Variants in PAG1 observed in about 807,000 individuals in gnomAD.
PAG1 encodes the protein phosphoprotein associated with glycosphingolipid-enriched microdomains 1.
In PAG1, 23 loss-of-function variants were observed where a neutral mutation model predicts 31.7. That is an observed-to-expected ratio of 0.73 (90% CI 0.52 to 1.03). PAG1 has a LOEUF of 1.03. Among genes scored for constraint, PAG1 ranks in the 50% least tolerant of loss-of-function variants. The pLI is 0.00. For missense variants in PAG1, 473 were observed against 540.7 expected, an observed-to-expected ratio of 0.87 and a Z score of 1.24; for synonymous variants, 214 against 210.3, an observed-to-expected ratio of 1.02 and a Z score of -0.15.
In PAG1 at chr8:80,972,701, G is replaced by T. The variant is rs940542497; in HGVS notation, c.*3843C>A. On this transcript the variant is annotated 3_prime_UTR_variant, in exon 9 of 9. Coordinates refer to ENST00000220597, the MANE Select transcript of PAG1 (RefSeq NM_018440.4). ...AAATACCACTGTTTTTCAGCCAAGAGAATTACGGATGCAATTTAAAGTCTA... is the reference window on the plus strand; with the variant it reads ...AAATACCACTGTTTTTCAGCCAAGATAATTACGGATGCAATTTAAAGTCTA... The T allele has an allele frequency of 1.3e-5, 2 of 152,126 alleles. No individual in the cohort carries two copies. Among genetic ancestry groups the T allele is most frequent in the African/African-American group, 4.8e-5 (2 of 41,414 alleles). The allele number at this position is 152,126 out of a possible 1,614,324, so 9.4% of individuals were successfully genotyped here.
chr8:81,051,852 C>T (rs555832645), intron 2 of PAG1, among the ~76,000 whole-genome samples: 4 of 152,210 alleles, frequency 2.6e-5, no homozygotes, highest in East Asian at 3.9e-4. Flanking sequence ...AACTATTGGC[C>T]GGGCGCGGTG....
At chr8:81,093,878 C>T (rs776802588) in intron 1 of PAG1, among the ~76,000 whole-genome samples, 10 of 152,200 alleles carry the variant, frequency 6.6e-5, no homozygotes, top group African/African-American at 1.2e-4. Flanking sequence ...GTAAACCAAA[C>T]GGCCTGCCTT....
Position 81,015,366 on chromosome 8 carries a change from G to A in PAG1, c.-81+14630C>T, listed in dbSNP as rs776466097. On this transcript the variant is annotated intron_variant, in intron 3 of 8. Coordinates refer to ENST00000220597, the MANE Select transcript of PAG1 (RefSeq NM_018440.4). ...GGGAACTGAAACATTGTACTTGACC[G>A]TCTCTGGTTCTTTTCCTGAGTTGAC... Among the ~76,000 whole-genome samples the A allele has an allele frequency of 1.4e-4, 21 of 152,160 alleles. 1 individual carries two copies. The highest frequency in any genetic ancestry group is 1.0e-3 in the Admixed American group (16 of 15,278).
At chr8:81,072,079 C>T (rs1193321465) in intron 1 of PAG1, among the ~76,000 whole-genome samples, 1 of 152,186 alleles carries the variant, frequency 6.6e-6, no homozygotes, top group African/African-American at 2.4e-5. Context: ...CACTCACCAG[C>T]GTAGGTGAAG....
chr8:81,000,791 G>A (rs1807771452), intron 3 of PAG1, among the ~76,000 whole-genome samples: 2 of 152,148 alleles, frequency 1.3e-5, no homozygotes, highest in Non-Finnish European at 2.9e-5. Flanking sequence ...TGGCTTCTCT[G>A]TATTGTCACT....
At chr8:81,080,898 G>C (rs1467110791) in intron 1 of PAG1, among the ~76,000 whole-genome samples, 2 of 152,080 alleles carry the variant, frequency 1.3e-5, no homozygotes, top group Non-Finnish European at 2.9e-5. Context: ...CTGTGACCTA[G>C]GAAAAGTGCT....
At chr8:81,040,261 T>C (rs942987711) in intron 2 of PAG1, among the ~76,000 whole-genome samples, 1 of 152,186 alleles carries the variant, frequency 6.6e-6, no homozygotes, top group East Asian at 1.9e-4. Flanking sequence ...AACTCCATGA[T>C]ATTTCTGTTC....
At chr8:81,079,336 C>A (rs1194397423) in intron 1 of PAG1, among the ~76,000 whole-genome samples, 1 of 152,082 alleles carries the variant, frequency 6.6e-6, no homozygotes, top group Non-Finnish European at 1.5e-5. Context: ...TGGAAAAAAA[C>A]AAAAACAAAA....
intron 1 of PAG1, among the ~76,000 whole-genome samples, chr8:81,100,959 T>C (rs1351483221): frequency 6.6e-6 from 1 of 152,246 alleles, no homozygotes. Flanking sequence ...GCGCTGTTCA[T>C]TATGAATTGT....
chr8:81,085,473 A>G (rs1809335724), intron 1 of PAG1, among the ~76,000 whole-genome samples: 1 of 152,222 alleles, frequency 6.6e-6, no homozygotes, highest in African/African-American at 2.4e-5. Context: ...TGATCAACCA[A>G]GCCCATTCCT....
At chr8:81,093,721 A>C (rs1402979836) in intron 1 of PAG1, among the ~76,000 whole-genome samples, 1 of 151,876 alleles carries the variant, frequency 6.6e-6, no homozygotes, top group Non-Finnish European at 1.5e-5. Flanking sequence ...CTGTGACAAG[A>C]AATCACCCTC....
At chr8:81,036,023 T>C (rs1808456951) in intron 2 of PAG1, among the ~76,000 whole-genome samples, 1 of 152,230 alleles carries the variant, frequency 6.6e-6, no homozygotes. Flanking sequence ...CTCTCCTTAC[T>C]GTTCCTTTGC....
intron 3 of PAG1, among the ~76,000 whole-genome samples, chr8:81,001,121 C>T (rs1024077984): frequency 6.6e-6 from 1 of 152,222 alleles, no homozygotes; most frequent in African/African-American, 2.4e-5. Flanking sequence ...GATGCCAAAA[C>T]CCTCCCACCT....
At chr8:81,038,011 C>T (rs762224802) in intron 2 of PAG1, among the ~76,000 whole-genome samples, 1 of 152,168 alleles carries the variant, frequency 6.6e-6, no homozygotes, top group Non-Finnish European at 1.5e-5. Flanking sequence ...CCTGGAACAC[C>T]GGGTTGTCTC....
At chr8:80,994,204 T>C (rs1483604441) in intron 3 of PAG1, among the ~76,000 whole-genome samples, 2 of 152,144 alleles carry the variant, frequency 1.3e-5, no homozygotes, top group African/African-American at 2.4e-5. Context: ...ACTAATGAAA[T>C]AGAATGTCTT....
At chr8:81,065,437 T>C (rs992751263) in intron 2 of PAG1, among the ~76,000 whole-genome samples, 5 of 152,136 alleles carry the variant, frequency 3.3e-5, no homozygotes, top group African/African-American at 1.2e-4. Flanking sequence ...ACAAACTCAC[T>C]GCTGTTTAAA....
At chr8:81,064,173 C>T (rs1467493538) in intron 2 of PAG1, among the ~76,000 whole-genome samples, 1 of 152,090 alleles carries the variant, frequency 6.6e-6, no homozygotes, top group Admixed American at 6.5e-5. Flanking sequence ...CACCAGGGAC[C>T]GGTTTCATGG....
chr8:81,032,018 T>C (rs1808384940), intron 2 of PAG1, among the ~76,000 whole-genome samples: 1 of 152,096 alleles, frequency 6.6e-6, no homozygotes, highest in East Asian at 1.9e-4. Context: ...CAGCCATATA[T>C]AAAAGAATAA....
intron 3 of PAG1, among the ~76,000 whole-genome samples, chr8:81,024,910 T>C (rs1370643213): frequency 6.6e-6 from 1 of 152,204 alleles, no homozygotes; most frequent in Non-Finnish European, 1.5e-5. Flanking sequence ...AATTTTTCAT[T>C]TGATGTGTTG....
Sources: allele counts gnomAD v4.1 joint callset (sites outside exome capture counted in the v4.1 genomes callset), GRCh38; gene constraint gnomAD v4.1.1; transcripts MANE v1.5; gene names NCBI Gene and HGNC (gene_info 2026-07-23, HGNC 2026-07-21).